GUSB: variants seen among roughly 807,000 people sequenced by gnomAD.
GUSB encodes glucuronidase beta, also known as beta-glucuronidase.
GUSB carries 51 observed loss-of-function variants against 74.6 expected under a neutral mutation model. That is an observed-to-expected ratio of 0.68 (90% CI 0.55 to 0.86). The LOEUF (loss-of-function observed/expected upper bound fraction) is 0.86, where lower values mean the gene tolerates loss of function less well. GUSB is among the 40% of genes least tolerant of loss of function. GUSB has a pLI of 0.00. For synonymous variants in GUSB, 360 were observed against 348.3 expected (o/e 1.03, Z -0.37); for missense variants, 736 against 853.7 (o/e 0.86, Z 1.72).
At chr7:65,965,969 A>C (rs28418543) in intron 10 of GUSB, among the ~76,000 whole-genome samples, 5 of 151,818 alleles carry the variant, frequency 3.3e-5, no homozygotes, top group Admixed American at 6.6e-5. Flanking sequence ...TCAGGAGTTC[A>C]AGACCAGCCT....
Position 65,968,731 on chromosome 7 carries a change from C to G in GUSB, c.1477-824G>C, listed in dbSNP as rs548506275. 9.2e-5 allele frequency among the ~76,000 whole-genome samples: 14 copies of G among 152,258 alleles called. No homozygotes were observed. The East Asian group carries it at 2.1e-3, about 23-fold the overall frequency. On this transcript the variant is annotated intron_variant, in intron 9 of 11. Transcript: ENST00000304895. The stretch of plus-strand genomic sequence containing the variant: ...TCTCCCGAGTAGCTAGGATTACAGG[C>G]GTGCGCCACCACGCCCAGCTAATTT...
chr7:65,979,020 G>A (rs1791793151), intron 4 of GUSB, among the ~76,000 whole-genome samples: 1 of 152,108 alleles, frequency 6.6e-6, no homozygotes, highest in Non-Finnish European at 1.5e-5. Flanking sequence ...TTATACCAGG[G>A]CCTCCTTGCA....
intron 2 of GUSB, 41 bp downstream of exon 2, chr7:65,980,183 G>T: frequency 1.3e-6 from 1 of 748,812 alleles, no homozygotes. Flanking sequence ...TTCAGCAGCC[G>T]TGCCCCCCCA....
Position 65,980,263 on chromosome 7 carries a change from C to T in GUSB, c.357G>A (p.Val119=). The change falls in exon 2 of 12, where the codon GTG becomes GTA. Residue 119 remains valine, a synonymous_variant. Transcript: ENST00000304895. The part of the protein sequence containing the change: ...ERWTQDLRTR[V]VLRIGSAHSY... The stretch of plus-strand genomic sequence containing the variant: ...AATGGGCACTGCCAATCCTCAGCAC[C>T]ACTCTTGTGCGCAGGTCCTGGGTCC... 1 of 1,612,940 alleles carries T rather than the reference C, an allele frequency of 6.2e-7. No individual in the cohort carries two copies. The highest frequency in any genetic ancestry group is 8.5e-7 in the Non-Finnish European group (1 of 1,179,550).
At chr7:65,968,004 G>A in intron 9 of GUSB, 97 bp from the exon 10 acceptor site, 1 of 1,020,130 alleles carries the variant, frequency 9.8e-7, no homozygotes, top group South Asian at 1.3e-5. Flanking sequence ...AAGGTAAGGG[G>A]GATGTAATCC....
At position 65,982,047 on chromosome 7, in the gene GUSB, C is replaced by T; in HGVS notation, c.137G>A (p.Ser46Asn). 1 of 1,610,966 alleles carries T rather than the reference C, an allele frequency of 6.2e-7. No individual in the cohort carries two copies. The highest frequency in any genetic ancestry group is 8.5e-7 in the Non-Finnish European group (1 of 1,179,420). ...GTTGTCAGAGAAGTCGGCGCGGAAG[C>T]TCCAGAGGCCGTCCAGCTCCTTGCA... The part of the protein sequence containing the change: ...RECKELDGLW[S>N]FRADFSDNRR... The change falls in exon 1 of 12, where the codon AGC becomes AAC. Residue 46 changes from serine to asparagine, a missense_variant. Physicochemically the swap from Ser to Asn is conservative, Grantham distance 46. Coordinates refer to ENST00000304895, the MANE Select transcript of GUSB (RefSeq NM_000181.4).
chr7:65,968,618 C>T (rs886294395), intron 9 of GUSB, among the ~76,000 whole-genome samples: 1 of 152,324 alleles, frequency 6.6e-6, no homozygotes, highest in East Asian at 1.9e-4. Context: ...CAGAGTCTCG[C>T]TCTGTCGCCC....
intron 1 of GUSB, chr7:65,981,761 A>G (rs1792040786): frequency 3.7e-6 from 2 of 536,084 alleles, no homozygotes; most frequent in Non-Finnish European, 6.6e-6. Context: ...GCTCGGCAAG[A>G]GCCTTTTCTC....
intron 1 of GUSB, 27 bp from the exon 2 acceptor site, chr7:65,980,436 T>C (rs1354968700): frequency 1.2e-6 from 2 of 1,603,464 alleles, no homozygotes; most frequent in Admixed American, 3.4e-5. Context: ...CGGGCTCAGC[T>C]CCTAGGCCCC....
chr7:65,980,622 T>C, intron 1 of GUSB: 1 of 593,658 alleles, frequency 1.7e-6, no homozygotes, highest in Non-Finnish European at 3.0e-6. Flanking sequence ...TCAGAGTGGA[T>C]GGGGCACAAT....
At chr7:65,979,971 C>A in intron 2 of GUSB, 60 bp from the exon 3 acceptor site, 1 of 1,343,334 alleles carries the variant, frequency 7.4e-7, no homozygotes, top group Admixed American at 2.0e-5. Flanking sequence ...AGGCGCCCTA[C>A]TATCGGGCAC....
In GUSB at chr7:65,967,827, C is replaced by G. The variant is rs1367659757; in HGVS notation, c.1557G>C (p.Leu519=). Reference sequence around the variant, plus strand: ...AGTTCTCAAACTGGGTGGCCAGCTGCAGCTGAATCAACTCCAGGTGCCCGT... The same window carrying G: ...AGTTCTCAAACTGGGTGGCCAGCTGGAGCTGAATCAACTCCAGGTGCCCGT... The part of the protein sequence containing the change: ...HDYGHLELIQ[L]QLATQFENWY... The change falls in exon 10 of 12, where the codon CTG becomes CTC. Residue 519 remains leucine (L), a synonymous_variant. Coordinates refer to ENST00000304895, the MANE Select transcript of GUSB (RefSeq NM_000181.4). 5.6e-6 allele frequency: 9 copies of G among 1,610,198 alleles called. No individual in the cohort carries two copies. The highest frequency in any genetic ancestry group is 1.3e-5 in the African/African-American group (1 of 74,910).
Position 65,979,490 on chromosome 7 carries a change from G to GTAAAC in GUSB, c.632_633insGTTTA (p.Tyr211Ter). The GTAAAC allele has an allele frequency of 6.2e-7, 1 of 1,613,822 alleles. No individual in the cohort carries two copies. Among genetic ancestry groups the GTAAAC allele is most frequent in the Non-Finnish European group, 8.5e-7 (1 of 1,179,706 alleles). ...GAAGTACAGACCGCTGCAGTCCAGC[G>GTAAAC]TAGTTGAAAAAGTCAAAATATGTGT... On this transcript the variant is annotated stop_gained and frameshift_variant, in exon 4 of 12. Transcript: ENST00000304895. LOFTEE classifies it high-confidence loss of function.
Position 65,976,108 on chromosome 7 carries a change from C to T in GUSB, c.819G>A (p.Gly273=), listed in dbSNP as rs868642665. ...CCTTAAGTTGGCCCTGGGTCCCAGT[C>T]CCATTCGCCACGACTTTGTTTTCTG... ...LDAENKVVAN[G]TGTQGQLKVP... Residue 273 remains glycine, a synonymous_variant, in exon 5 of 12, where the codon GGG becomes GGA. Transcript: ENST00000304895. The T allele has an allele frequency of 6.2e-7, 1 of 1,613,790 alleles. No homozygotes were observed. Among genetic ancestry groups the T allele is most frequent in the African/African-American group, 1.3e-5 (1 of 74,922 alleles).
At chr7:65,968,807 G>C (rs553901357) in intron 9 of GUSB, among the ~76,000 whole-genome samples, 1 of 152,162 alleles carries the variant, frequency 6.6e-6, no homozygotes, top group Admixed American at 6.6e-5. Context: ...GGCTGGTCTT[G>C]AACTCCTGAT....
At position 65,974,500 on chromosome 7, in the gene GUSB, G is replaced by A. The variant is rs772675250; in HGVS notation, c.1244+26C>T. 5.3e-5 allele frequency: 86 copies of A among 1,614,004 alleles called. No individual in the cohort carries two copies. In the East Asian group the frequency reaches 7.6e-4, roughly 14 times the overall value. ...GGTGACGCCCCCGGGCTGGGCAGGC[G>A]GAGCAGGTGCACAGCAGAGACTCAC... is the stretch of plus-strand genomic sequence containing the variant. On this transcript the variant is annotated intron_variant, in intron 7 of 11. Transcript: ENST00000304895.
chr7:65,968,484 C>A (rs1214145366), intron 9 of GUSB, among the ~76,000 whole-genome samples: 1 of 152,214 alleles, frequency 6.6e-6, no homozygotes, highest in Non-Finnish European at 1.5e-5. Flanking sequence ...ACCACTGGAA[C>A]TGACTCCTCT....
At chr7:65,962,647 C>T (rs533217793) in intron 11 of GUSB, among the ~76,000 whole-genome samples, 193 of 152,052 alleles carry the variant, frequency 1.3e-3, no homozygotes, top group African/African-American at 4.5e-3. Flanking sequence ...CCCAGATGTG[C>T]GGATCACCTG....
chr7:65,977,043 T>G (rs937838718), intron 4 of GUSB, among the ~76,000 whole-genome samples: 11 of 152,040 alleles, frequency 7.2e-5, no homozygotes, highest in Admixed American at 3.9e-4. Flanking sequence ...CAGTAACACC[T>G]CTTCCCAGCT....
Sources: allele counts gnomAD v4.1 joint callset (sites outside exome capture counted in the v4.1 genomes callset), GRCh38; gene constraint gnomAD v4.1.1; transcripts MANE v1.5; gene names NCBI Gene and HGNC (gene_info 2026-07-23, HGNC 2026-07-21).